Variants in TTC28 observed in about 807,000 individuals in gnomAD.
TTC28 encodes the protein tetratricopeptide repeat protein 28.
Under a neutral mutation model 198.0 loss-of-function variants are expected in TTC28, and 61 were observed. The observed-to-expected ratio is 0.31, with a 90% CI of 0.25 to 0.38. The LOEUF (loss-of-function observed/expected upper bound fraction) is 0.38, where lower values mean the gene tolerates loss of function less well. Among genes scored for constraint, TTC28 ranks in the 10% least tolerant of loss-of-function variants. TTC28 has a pLI of 1.00. For missense variants in TTC28, 2,678 were observed against 3,164.0 expected (o/e 0.85, Z 3.69); for synonymous variants, 1,171 against 1,297.8 (o/e 0.90, Z 2.10).
At chr22:28,633,318 A>AT (rs1791812485) in intron 1 of TTC28, among the ~76,000 whole-genome samples, 1 of 151,798 alleles carries the variant, frequency 6.6e-6, no homozygotes, top group Non-Finnish European at 1.5e-5. Flanking sequence ...AAAGAAAAAA[A>AT]ATTTTTTTTT....
At chr22:28,603,758 G>C (rs1021955226) in intron 2 of TTC28, among the ~76,000 whole-genome samples, 1 of 151,726 alleles carries the variant, frequency 6.6e-6, no homozygotes, top group African/African-American at 2.4e-5. Context: ...CTTGAAAACT[G>C]AAAACAGTAT....
intron 1 of TTC28, among the ~76,000 whole-genome samples, chr22:28,648,835 T>C (rs890365630): frequency 6.6e-6 from 1 of 151,942 alleles, no homozygotes; most frequent in Admixed American, 6.6e-5. Context: ...CTGGAGCCTA[T>C]GAGGCAGAGG....
chr22:28,193,818 AC>A (rs1925126624), intron 5 of TTC28, among the ~76,000 whole-genome samples: 1 of 152,140 alleles, frequency 6.6e-6, no homozygotes, highest in Non-Finnish European at 1.5e-5. Flanking sequence ...AGAGACTTAG[AC>A]TCCCACGCAA....
At chr22:28,293,152 T>C (rs975338799) in intron 5 of TTC28, among the ~76,000 whole-genome samples, 1 of 152,142 alleles carries the variant, frequency 6.6e-6, no homozygotes, top group African/African-American at 2.4e-5. Context: ...ATTAGAGAAA[T>C]GCCCTTGTTC....
chr22:28,429,252 C>A (rs1415859386), intron 2 of TTC28, among the ~76,000 whole-genome samples: 1 of 152,206 alleles, frequency 6.6e-6, no homozygotes, highest in East Asian at 1.9e-4. Flanking sequence ...CTCACTACCT[C>A]TGCCTGATCC....
At chr22:28,640,567 A>AAAAAATAAT (rs1555906379) in intron 1 of TTC28, among the ~76,000 whole-genome samples, 2,630 of 147,346 alleles carry the variant, frequency 0.018, 31 homozygotes, top group Non-Finnish European at 0.028. Context: ...CAAACTGTTA[A>AAAAAATAAT]AATAATAATA....
intron 2 of TTC28, among the ~76,000 whole-genome samples, chr22:28,527,186 T>G (rs2049018961): frequency 6.6e-6 from 1 of 152,194 alleles, no homozygotes; most frequent in Non-Finnish European, 1.5e-5. Flanking sequence ...CAGCTCAGCC[T>G]GATGATCACC....
At chr22:28,608,814 G>T (rs533597164) in intron 2 of TTC28, among the ~76,000 whole-genome samples, 29 of 152,292 alleles carry the variant, frequency 1.9e-4, no homozygotes, top group Non-Finnish European at 2.9e-4. Context: ...TGAGGACTAC[G>T]CTACCTGAGC....
chr22:28,388,141 G>T (rs1316887486), intron 2 of TTC28, among the ~76,000 whole-genome samples: 1 of 152,158 alleles, frequency 6.6e-6, no homozygotes, highest in Non-Finnish European at 1.5e-5. Context: ...GTTTGTCAAA[G>T]ATCAGATAGT....
chr22:28,378,446 G>T (rs1055737390), intron 2 of TTC28, among the ~76,000 whole-genome samples: 6 of 151,386 alleles, frequency 4.0e-5, no homozygotes, highest in Non-Finnish European at 8.8e-5. Context: ...GGATCTTTGA[G>T]CCCAGGAGTT....
At chr22:28,246,936 G>GA (rs200228234) in intron 5 of TTC28, among the ~76,000 whole-genome samples, 50 of 150,286 alleles carry the variant, frequency 3.3e-4, no homozygotes, top group East Asian at 7.8e-4. Flanking sequence ...ACCTGGTTAG[G>GA]AAAAAAAAAT....
intron 6 of TTC28, among the ~76,000 whole-genome samples, chr22:28,158,496 T>G (rs1288136971): frequency 1.3e-5 from 2 of 152,148 alleles, no homozygotes; most frequent in African/African-American, 4.8e-5. Flanking sequence ...ATTTGAATCA[T>G]TACCTGATTT....
At chr22:27,994,829 A>G (rs994170793) in intron 17 of TTC28, among the ~76,000 whole-genome samples, 2 of 152,170 alleles carry the variant, frequency 1.3e-5, no homozygotes, top group Non-Finnish European at 2.9e-5. Context: ...CCATTTCCCC[A>G]AAAAAGCAGT....
At chr22:28,316,345 G>A (rs1385576910) in intron 2 of TTC28, among the ~76,000 whole-genome samples, 1 of 152,078 alleles carries the variant, frequency 6.6e-6, no homozygotes, top group African/African-American at 2.4e-5. Flanking sequence ...GTTGATTACT[G>A]TAATTTTTTA....
chr22:28,650,193 C>A (rs1293785785), intron 1 of TTC28, among the ~76,000 whole-genome samples: 3 of 152,054 alleles, frequency 2.0e-5, no homozygotes, highest in Non-Finnish European at 2.9e-5. Flanking sequence ...ATCAGGAATG[C>A]TGAAATGAAT....
chr22:28,079,329 TTAAA>T lies in TTC28; in HGVS notation c.3932+14747_3932+14750del, dbSNP rs143302842. On this transcript the variant is annotated intron_variant, in intron 12 of 22. Transcript: ENST00000397906. ...AGCAGTGGTGACAGAAGTGGATTGA[TTAAA>T]TATGTATTTTTAAAATACTTTAAAA... Among the ~76,000 whole-genome samples the T allele has an allele frequency of 5.5e-3, 831 of 152,268 alleles. 9 individuals carry two copies. The highest frequency in any genetic ancestry group is 0.019 in the African/African-American group (779 of 41,538).
intron 5 of TTC28, among the ~76,000 whole-genome samples, chr22:28,275,692 AT>A (rs995761634): frequency 6.6e-6 from 1 of 151,226 alleles, no homozygotes; most frequent in African/African-American, 2.4e-5. Flanking sequence ...TAAAGCAATC[AT>A]TTTTTTTTAA....
intron 1 of TTC28, among the ~76,000 whole-genome samples, chr22:28,638,765 T>C (rs1297393789): frequency 1.3e-5 from 2 of 152,124 alleles, no homozygotes; most frequent in East Asian, 3.8e-4. Flanking sequence ...TCCCCTACTA[T>C]CAGAAATAAA....
At chr22:28,340,734 C>G (rs1321633525) in intron 2 of TTC28, among the ~76,000 whole-genome samples, 1 of 152,160 alleles carries the variant, frequency 6.6e-6, no homozygotes, top group Non-Finnish European at 1.5e-5. Flanking sequence ...TAATCTGAGT[C>G]ACAATCCTCT....
Sources: gnomAD v4.1 joint callset for allele counts (sites outside exome capture counted in the v4.1 genomes callset) on GRCh38, gnomAD v4.1.1 for gene constraint, MANE v1.5 for transcripts, NCBI Gene and HGNC (gene_info 2026-07-23, HGNC 2026-07-21) for gene names.